Variants in XRCC5 observed in about 807,000 individuals in gnomAD.
The protein encoded by XRCC5 is DNA repair protein Ku80.
XRCC5 carries 12 observed loss-of-function variants against 95.7 expected under a neutral mutation model. That is an observed-to-expected ratio of 0.13 (90% CI 0.08 to 0.20). The LOEUF is 0.20. Ranked by LOEUF, XRCC5 falls within the 10% of genes least tolerant of loss-of-function variation. The pLI, the probability that XRCC5 is intolerant of heterozygous loss-of-function variation, is 1.00. For missense variants in XRCC5, 595 were observed against 873.9 expected, an observed-to-expected ratio of 0.68 and a Z score of 4.02; for synonymous variants, 281 against 290.3, an observed-to-expected ratio of 0.97 and a Z score of 0.33.
At chr2:216,192,434 T>G (rs185855897) in intron 17 of XRCC5, among the ~76,000 whole-genome samples, 1 of 152,226 alleles carries the variant, frequency 6.6e-6, no homozygotes, top group Admixed American at 6.5e-5. Flanking sequence ...TGGGAAGCTC[T>G]GTGCCTTCCA....
intron 16 of XRCC5, among the ~76,000 whole-genome samples, chr2:216,169,102 A>G (rs773490636): frequency 8.5e-5 from 13 of 152,282 alleles, no homozygotes; most frequent in Non-Finnish European, 1.6e-4. Context: ...CATGGCCTCC[A>G]GCCAAAGCCC....
intron 6 of XRCC5, among the ~76,000 whole-genome samples, chr2:216,124,630 A>G (rs1207307088): frequency 6.6e-6 from 1 of 152,196 alleles, no homozygotes; most frequent in Non-Finnish European, 1.5e-5. Context: ...GATATCTACT[A>G]TTCGTTGTAA....
chr2:216,143,375 C>T (rs150277616), intron 13 of XRCC5, among the ~76,000 whole-genome samples: 1 of 152,232 alleles, frequency 6.6e-6, no homozygotes, highest in East Asian at 1.9e-4. Context: ...CAGACCAGTT[C>T]AAAGCTTACC....
intron 16 of XRCC5, chr2:216,175,283 C>T: frequency 2.3e-6 from 1 of 440,776 alleles, no homozygotes; most frequent in African/African-American, 2.0e-5. Context: ...GCCACCACCT[C>T]TACTTCTACC....
chr2:216,121,496 T>C (rs146758966), intron 5 of XRCC5, among the ~76,000 whole-genome samples: 1 of 152,192 alleles, frequency 6.6e-6, no homozygotes, highest in Admixed American at 6.5e-5. Context: ...GGGCTAACAC[T>C]GTTCTCACGT....
At chr2:216,116,363 T>C (rs1197047259) in intron 2 of XRCC5, among the ~76,000 whole-genome samples, 2 of 152,174 alleles carry the variant, frequency 1.3e-5, no homozygotes, top group Non-Finnish European at 2.9e-5. Context: ...GGTTCTCTCA[T>C]TGAGAATTAG....
At chr2:216,123,680 C>G (rs1207420920) in intron 6 of XRCC5, among the ~76,000 whole-genome samples, 2 of 152,144 alleles carry the variant, frequency 1.3e-5, no homozygotes, top group Non-Finnish European at 2.9e-5. Flanking sequence ...GTGGTGCATG[C>G]CTGTAGTCCT....
intron 16 of XRCC5, among the ~76,000 whole-genome samples, chr2:216,185,029 T>C (rs1008933678): frequency 6.6e-6 from 1 of 152,096 alleles, no homozygotes; most frequent in African/African-American, 2.4e-5. Flanking sequence ...GAGAAACCGG[T>C]GTATCTCTTC....
intron 14 of XRCC5, among the ~76,000 whole-genome samples, chr2:216,156,137 A>C (rs955658327): frequency 6.6e-6 from 1 of 152,254 alleles, no homozygotes; most frequent in Non-Finnish European, 1.5e-5. Flanking sequence ...ATATACTTTC[A>C]TACAGATTTC....
intron 14 of XRCC5, among the ~76,000 whole-genome samples, chr2:216,150,602 G>A (rs1688723965): frequency 6.6e-6 from 1 of 152,152 alleles, no homozygotes; most frequent in Non-Finnish European, 1.5e-5. Flanking sequence ...GTAACAAAGA[G>A]GTATTTGCAT....
At chr2:216,115,155 G>C (rs1219383938) in intron 2 of XRCC5, among the ~76,000 whole-genome samples, 1 of 137,158 alleles carries the variant, frequency 7.3e-6, no homozygotes, top group Non-Finnish European at 1.6e-5. Flanking sequence ...TTTAAACCTT[G>C]CTTATGTCTG....
intron 16 of XRCC5, among the ~76,000 whole-genome samples, chr2:216,186,003 T>G (rs964508218): frequency 6.6e-6 from 1 of 152,248 alleles, no homozygotes; most frequent in Non-Finnish European, 1.5e-5. Context: ...AAGTAACATT[T>G]ACATGAGGCA....
At chr2:216,138,754 G>A (rs1186029210) in intron 12 of XRCC5, among the ~76,000 whole-genome samples, 1 of 152,176 alleles carries the variant, frequency 6.6e-6, no homozygotes, top group Non-Finnish European at 1.5e-5. Flanking sequence ...GTCTTCCAGA[G>A]AGCCTGTCAT....
intron 8 of XRCC5, 79 bp downstream of exon 8, chr2:216,127,753 A>T: frequency 1.4e-6 from 2 of 1,420,928 alleles, no homozygotes; most frequent in Non-Finnish European, 9.4e-7. Context: ...GGTTTGTATT[A>T]TTCTTTGTTT....
intron 12 of XRCC5, among the ~76,000 whole-genome samples, chr2:216,139,404 G>A (rs1697139379): frequency 6.6e-6 from 1 of 152,014 alleles, no homozygotes; most frequent in African/African-American, 2.4e-5. Context: ...TGAGGAAGAA[G>A]CAAAAGTAGA....
chr2:216,179,708 A>G (rs903922513), intron 16 of XRCC5, among the ~76,000 whole-genome samples: 13 of 152,216 alleles, frequency 8.5e-5, no homozygotes, highest in Non-Finnish European at 1.8e-4. Flanking sequence ...ACTGGAGCAA[A>G]GAAAGTAGGA....
intron 5 of XRCC5, among the ~76,000 whole-genome samples, chr2:216,119,405 G>T (rs1462065771): frequency 6.6e-6 from 1 of 152,192 alleles, no homozygotes; most frequent in Non-Finnish European, 1.5e-5. Context: ...GAGCTTAGTG[G>T]CAGATCATTG....
intron 16 of XRCC5, among the ~76,000 whole-genome samples, chr2:216,179,899 T>G (rs926891331): frequency 6.6e-6 from 1 of 152,210 alleles, no homozygotes; most frequent in Non-Finnish European, 1.5e-5. Context: ...GTTAGAAGGC[T>G]TCGGCGTTAA....
intron 16 of XRCC5, among the ~76,000 whole-genome samples, chr2:216,182,051 C>G (rs11689669): frequency 2.8e-3 from 429 of 152,182 alleles, no homozygotes; most frequent in Non-Finnish European, 5.2e-3. Context: ...TTTCTGGTAC[C>G]TAATATTTCC....
Sources: allele counts gnomAD v4.1 joint callset (sites outside exome capture counted in the v4.1 genomes callset), GRCh38; gene constraint gnomAD v4.1.1; transcripts MANE v1.5; gene names NCBI Gene and HGNC (gene_info 2026-07-23, HGNC 2026-07-21).